Variants in ORC5 observed in about 807,000 individuals in gnomAD.
ORC5 encodes the protein protein phosphatase 1, regulatory subunit 117.
In ORC5, 39 loss-of-function variants were observed where a neutral mutation model predicts 58.8. The ratio of observed to expected loss-of-function variants is 0.66; its 90% CI spans 0.51 to 0.87. The LOEUF (loss-of-function observed/expected upper bound fraction) is 0.87. ORC5 is among the 40% of genes least tolerant of loss of function. ORC5 has a pLI of 0.00. For missense variants in ORC5, 493 were observed against 506.3 expected (o/e 0.97, Z 0.25); for synonymous variants, 218 against 177.6 (o/e 1.23, Z -1.81).
At chr7:104,172,814 A>G (rs1386181703) in intron 8 of ORC5, among the ~76,000 whole-genome samples, 1 of 152,200 alleles carries the variant, frequency 6.6e-6, no homozygotes, top group Non-Finnish European at 1.5e-5. Flanking sequence ...ACTATGTGCC[A>G]CCATGTCTCT....
chr7:104,169,766 G>T (rs1562816208), intron 8 of ORC5, among the ~76,000 whole-genome samples: 1 of 152,110 alleles, frequency 6.6e-6, no homozygotes, highest in Non-Finnish European at 1.5e-5. Flanking sequence ...CACCTGTATA[G>T]CAATCAACAA....
intron 13 of ORC5, among the ~76,000 whole-genome samples, chr7:104,132,188 C>T (rs1798524330): frequency 6.6e-6 from 1 of 152,112 alleles, no homozygotes; most frequent in African/African-American, 2.4e-5. Flanking sequence ...GAGGATTCTG[C>T]TTGATTTCTT....
chr7:104,140,290 T>A (rs1391080193), intron 12 of ORC5, among the ~76,000 whole-genome samples: 1 of 152,128 alleles, frequency 6.6e-6, no homozygotes, highest in East Asian at 1.9e-4. Context: ...TTTTCTAAAA[T>A]TTTTCTTTCT....
chr7:104,140,512 G>GTT (rs1402864130), intron 12 of ORC5, among the ~76,000 whole-genome samples: 1 of 152,008 alleles, frequency 6.6e-6, no homozygotes, highest in East Asian at 1.9e-4. Flanking sequence ...AGTTTTTCCA[G>GTT]TTTTTTGTTT....
chr7:104,186,776 G>A (rs1477879643), intron 6 of ORC5, among the ~76,000 whole-genome samples: 1 of 151,974 alleles, frequency 6.6e-6, no homozygotes, highest in Non-Finnish European at 1.5e-5. Context: ...AGAAAACTAA[G>A]AACATTGTGC....
intron 8 of ORC5, among the ~76,000 whole-genome samples, chr7:104,173,596 G>A (rs12705181): frequency 0.38 from 57,737 of 152,042 alleles, 12,976 homozygotes; most frequent in Non-Finnish European, 0.52. Flanking sequence ...GGAAGCTCCT[G>A]AATTCATTCA....
At position 104,188,314 on chromosome 7, in the gene ORC5, G is replaced by A. The variant is rs780762843; in HGVS notation, c.621C>T (p.Tyr207=). 1.9e-6 allele frequency: 3 copies of A among 1,612,812 alleles called. No individual in the cohort carries two copies. Among genetic ancestry groups the A allele is most frequent in the Non-Finnish European group, 2.5e-6 (3 of 1,179,104 alleles). Residue 207 remains tyrosine (Y), a synonymous_variant, in exon 6 of 14, where the codon TAC becomes TAT. Coordinates refer to ENST00000297431, the MANE Select transcript of ORC5 (RefSeq NM_002553.4). ...PEYSADFYAA[Y]INILLGVFYT... ...AGAAAACTCCAAGAAGAATGTTAAT[G>A]TAGGCAGCATAGAAATCAGCTGAAT...
chr7:104,131,217 T>C (rs1357078430), intron 13 of ORC5, among the ~76,000 whole-genome samples: 1 of 152,184 alleles, frequency 6.6e-6, no homozygotes, highest in East Asian at 1.9e-4. Context: ...GTCTCAATTT[T>C]GTCTCCTCCT....
At chr7:104,203,441 G>T (rs560119196) in intron 2 of ORC5, among the ~76,000 whole-genome samples, 1 of 152,194 alleles carries the variant, frequency 6.6e-6, no homozygotes, top group Non-Finnish European at 1.5e-5. Context: ...CCCATCTCTG[G>T]TTTAGGATAT....
intron 1 of ORC5, among the ~76,000 whole-genome samples, chr7:104,207,612 A>C (rs1047033355): frequency 5.3e-5 from 8 of 152,228 alleles, no homozygotes; most frequent in Non-Finnish European, 8.8e-5. Flanking sequence ...CGTCTTAGGC[A>C]ACGTCCTATA....
intron 12 of ORC5, among the ~76,000 whole-genome samples, chr7:104,141,168 T>C (rs1234531448): frequency 6.6e-6 from 1 of 152,196 alleles, no homozygotes; most frequent in East Asian, 1.9e-4. Flanking sequence ...ATTAGGATGA[T>C]CTGCAAAATA....
At chr7:104,141,850 T>C (rs1798679185) in intron 12 of ORC5, among the ~76,000 whole-genome samples, 1 of 152,194 alleles carries the variant, frequency 6.6e-6, no homozygotes, top group Non-Finnish European at 1.5e-5. Flanking sequence ...AAGATACCTG[T>C]GTTCAAGGAC....
intron 8 of ORC5, among the ~76,000 whole-genome samples, chr7:104,169,764 T>G (rs919884165): frequency 1.6e-4 from 25 of 152,212 alleles, no homozygotes; most frequent in African/African-American, 6.0e-4. Context: ...CTCACCTGTA[T>G]AGCAATCAAC....
rs1321995291 is a variant in ORC5 at position 104,167,544 on chromosome 7, TC to T, written c.878-661del. 2.0e-5 allele frequency among the ~76,000 whole-genome samples: 3 copies of T among 152,186 alleles called. No homozygotes were observed. The East Asian group carries it at 5.8e-4, about 29-fold the overall frequency. On this transcript the variant is annotated intron_variant, in intron 9 of 13. Coordinates refer to ENST00000297431, the MANE Select transcript of ORC5 (RefSeq NM_002553.4). ...GAGCTATGTCTAATGTTTTTTTGTA[TC>T]CCTACACTGCCTTGCACATAGAAAA...
At chr7:104,201,930 A>G (rs1388375867) in intron 2 of ORC5, among the ~76,000 whole-genome samples, 1 of 151,928 alleles carries the variant, frequency 6.6e-6, no homozygotes, top group East Asian at 1.9e-4. Context: ...TCTTTAAAAA[A>G]GTAAAAAAAA....
chr7:104,146,788 C>T (rs1288507877), intron 12 of ORC5, among the ~76,000 whole-genome samples: 1 of 152,048 alleles, frequency 6.6e-6, no homozygotes, highest in Non-Finnish European at 1.5e-5. Flanking sequence ...TATATATAGA[C>T]ATACACAAAA....
chr7:104,187,172 C>G (rs1562824425), intron 6 of ORC5, among the ~76,000 whole-genome samples: 1 of 152,282 alleles, frequency 6.6e-6, no homozygotes, highest in East Asian at 1.9e-4. Context: ...TTTCCTGACC[C>G]TCTCCTCTCT....
intron 12 of ORC5, among the ~76,000 whole-genome samples, chr7:104,142,026 G>A (rs960773308): frequency 1.3e-5 from 2 of 152,052 alleles, no homozygotes; most frequent in Non-Finnish European, 2.9e-5. Flanking sequence ...AAACAGTATG[G>A]TAATGGCATA....
At chr7:104,207,088 T>A (rs1268589586) in intron 1 of ORC5, among the ~76,000 whole-genome samples, 1 of 152,208 alleles carries the variant, frequency 6.6e-6, no homozygotes, top group African/African-American at 2.4e-5. Context: ...TGACCCTGAA[T>A]TCTCATTCAC....
Sources: allele counts gnomAD v4.1 joint callset (sites outside exome capture counted in the v4.1 genomes callset), GRCh38; gene constraint gnomAD v4.1.1; transcripts MANE v1.5; gene names NCBI Gene and HGNC (gene_info 2026-07-23, HGNC 2026-07-21).